NAALADL2: variants seen among roughly 807,000 people sequenced by gnomAD.
NAALADL2 encodes inactive N-acetylated-alpha-linked acidic dipeptidase-like protein 2.
NAALADL2 carries 76 observed loss-of-function variants against 87.2 expected under a neutral mutation model. The observed-to-expected ratio is 0.87, with a 90% CI of 0.72 to 1.05. The LOEUF (loss-of-function observed/expected upper bound fraction) is 1.05, where lower values mean the gene tolerates loss of function less well. Among genes scored for constraint, NAALADL2 ranks in the 50% least tolerant of loss-of-function variants. The pLI, the probability that NAALADL2 is intolerant of heterozygous loss-of-function variation, is 0.00. For synonymous variants in NAALADL2, 354 were observed against 331.0 expected, an observed-to-expected ratio of 1.07 and a Z score of -0.75; for missense variants, 1,089 against 945.8, an observed-to-expected ratio of 1.15 and a Z score of -1.99.
chr3:175,383,272 G>A (rs1001149773), intron 5 of NAALADL2, among the ~76,000 whole-genome samples: 2 of 151,902 alleles, frequency 1.3e-5, no homozygotes, highest in African/African-American at 4.8e-5. Context: ...CCAAACATTA[G>A]ATCTTATTCC....
intron 2 of NAALADL2, among the ~76,000 whole-genome samples, chr3:174,710,849 C>T (rs1179037449): frequency 6.6e-6 from 1 of 152,100 alleles, no homozygotes; most frequent in Non-Finnish European, 1.5e-5. Context: ...CTCAGCCTAG[C>T]GAGAGCCTTG....
chr3:175,710,142 T>C (rs1431264774), intron 11 of NAALADL2, among the ~76,000 whole-genome samples: 2 of 151,286 alleles, frequency 1.3e-5, no homozygotes, highest in Non-Finnish European at 2.9e-5. Context: ...CTGAGAGAAA[T>C]CACCGGTAAA....
At chr3:174,597,053 C>A (rs912509166) in intron 2 of NAALADL2, among the ~76,000 whole-genome samples, 1 of 152,190 alleles carries the variant, frequency 6.6e-6, no homozygotes, top group African/African-American at 2.4e-5. Flanking sequence ...CAGTGTTTCT[C>A]TAGCAGGATT....
intron 4 of NAALADL2, among the ~76,000 whole-genome samples, chr3:175,276,332 G>T (rs1157732694): frequency 7.6e-6 from 1 of 131,432 alleles, no homozygotes; most frequent in African/African-American, 2.9e-5. Context: ...ACGAAGCCTC[G>T]CTCTGCTGCT....
At chr3:175,231,296 C>T (rs1389332761) in intron 2 of NAALADL2, among the ~76,000 whole-genome samples, 1 of 151,970 alleles carries the variant, frequency 6.6e-6, no homozygotes, top group Non-Finnish European at 1.5e-5. Context: ...AGATCTTCTT[C>T]TTCATAACCT....
chr3:175,312,318 T>C (rs1309794309), intron 4 of NAALADL2, among the ~76,000 whole-genome samples: 1 of 152,214 alleles, frequency 6.6e-6, no homozygotes, highest in African/African-American at 2.4e-5. Context: ...CTATGAGATG[T>C]CAGGTTCATG....
At chr3:174,700,028 T>C (rs1158271133) in intron 2 of NAALADL2, among the ~76,000 whole-genome samples, 4 of 152,082 alleles carry the variant, frequency 2.6e-5, no homozygotes, top group Non-Finnish European at 4.4e-5. Context: ...CTTTCCAGAC[T>C]AGTTACTGTG....
At chr3:175,571,227 G>A (rs1367865183) in intron 9 of NAALADL2, among the ~76,000 whole-genome samples, 4 of 152,216 alleles carry the variant, frequency 2.6e-5, no homozygotes, top group Admixed American at 6.5e-5. Flanking sequence ...TACAGATTTA[G>A]GACTGAGGTA....
intron 3 of NAALADL2, among the ~76,000 whole-genome samples, chr3:175,253,125 A>G (rs146723798): frequency 2.6e-5 from 4 of 152,312 alleles, no homozygotes; most frequent in African/African-American, 9.6e-5. Flanking sequence ...CTTAGGTTGG[A>G]AGAAGATGTC....
intron 1 of NAALADL2, among the ~76,000 whole-genome samples, chr3:174,963,426 G>A (rs139694929): frequency 6.6e-6 from 1 of 152,202 alleles, no homozygotes; most frequent in African/African-American, 2.4e-5. Flanking sequence ...GGAAATGGGG[G>A]ACAAGTAGAA....
intron 3 of NAALADL2, among the ~76,000 whole-genome samples, chr3:174,810,504 A>G (rs887465843): frequency 2.0e-5 from 3 of 152,006 alleles, no homozygotes; most frequent in African/African-American, 7.2e-5. Flanking sequence ...GAACTTGAGA[A>G]CAACCATTTA....
chr3:174,477,908 G>A (rs370230484), intron 1 of NAALADL2, among the ~76,000 whole-genome samples: 18 of 152,148 alleles, frequency 1.2e-4, no homozygotes, highest in African/African-American at 3.4e-4. Context: ...AACAACTGTA[G>A]TGCAAAGAGT....
At chr3:175,687,024 G>GT (rs1736390883) in intron 11 of NAALADL2, among the ~76,000 whole-genome samples, 1 of 152,124 alleles carries the variant, frequency 6.6e-6, no homozygotes. Flanking sequence ...GAGGTACAAA[G>GT]TTATGAGGGG....
chr3:174,890,893 A>G (rs1730794122), intron 1 of NAALADL2, among the ~76,000 whole-genome samples: 1 of 152,178 alleles, frequency 6.6e-6, no homozygotes, highest in African/African-American at 2.4e-5. Context: ...CAGATATTCA[A>G]AAAGTTTTTT....
intron 9 of NAALADL2, among the ~76,000 whole-genome samples, chr3:175,574,905 T>A (rs1180364438): frequency 2.0e-5 from 3 of 152,222 alleles, no homozygotes; most frequent in Admixed American, 2.0e-4. Flanking sequence ...GTTCTTATAC[T>A]TATTGTCTCA....
chr3:174,709,057 G>C (rs1730377625), intron 2 of NAALADL2, among the ~76,000 whole-genome samples: 1 of 151,940 alleles, frequency 6.6e-6, no homozygotes, highest in African/African-American at 2.4e-5. Flanking sequence ...TCATAATATA[G>C]GTACAACATC....
intron 2 of NAALADL2, chr3:175,115,324 TC>T (rs1553777828): frequency 6.6e-6 from 1 of 151,576 alleles, no homozygotes; most frequent in Non-Finnish European, 1.5e-5. Context: ...TCAATCAAAC[TC>T]CATTATTGAT....
intron 1 of NAALADL2, among the ~76,000 whole-genome samples, chr3:174,475,948 C>CT (rs1717182892): frequency 6.6e-6 from 1 of 151,990 alleles, no homozygotes; most frequent in Non-Finnish European, 1.5e-5. Flanking sequence ...AAGTGCCATT[C>CT]AGAGAATAGA....
In NAALADL2 at chr3:174,748,956, G is replaced by T. The variant is rs78268639; in HGVS notation, c.-9+11210G>T. Among the ~76,000 whole-genome samples the T allele has an allele frequency of 1.2e-4, 19 of 152,158 alleles. No homozygotes were observed. In the East Asian group the frequency reaches 3.3e-3, roughly 26 times the overall value. ...TGTAGCATGCATATTTGTTCTTAAG[G>T]TATACCCATAAACTACTTCATTGGC... On this transcript the variant is annotated intron_variant, in intron 3 of 3. Coordinates refer to the NAALADL2 transcript ENST00000434257.
Sources: allele counts gnomAD v4.1 joint callset (sites outside exome capture counted in the v4.1 genomes callset), GRCh38; gene constraint gnomAD v4.1.1; transcripts MANE v1.5; gene names NCBI Gene and HGNC (gene_info 2026-07-23, HGNC 2026-07-21).